The following RXRA variants were observed in gnomAD, a reference collection of about 807,000 sequenced individuals.
RXRA encodes retinoic acid receptor RXR-alpha.
Under a neutral mutation model 44.5 loss-of-function variants are expected in RXRA, and 5 were observed. The ratio of observed to expected loss-of-function variants is 0.11; its 90% CI spans 0.06 to 0.24. The LOEUF is 0.24. Ranked by LOEUF, RXRA falls within the 10% of genes least tolerant of loss-of-function variation. RXRA has a pLI of 1.00. For synonymous variants in RXRA, 291 were observed against 271.4 expected (o/e 1.07, Z -0.71); for missense variants, 412 against 646.5 (o/e 0.64, Z 3.93).
Position 134,417,381 on chromosome 9 carries a change from A to C in RXRA, c.780+54A>C. 1.3e-6 allele frequency: 2 copies of C among 1,576,816 alleles called. No individual in the cohort carries two copies. The highest frequency in any genetic ancestry group is 1.3e-5 in the African/African-American group (1 of 74,358). On this transcript the variant is annotated intron_variant, in intron 5 of 9. Transcript: ENST00000481739. This position sits in a 1 kb window ranked among gnomAD's most constrained non-coding sequence, Gnocchi z 6.1. ...AGCCTCACATGCCTCAGTTTCCCTCACTCACTCACCCTCCCACCTGAGCAG... is the reference window on the plus strand; with the variant it reads ...AGCCTCACATGCCTCAGTTTCCCTCCCTCACTCACCCTCCCACCTGAGCAG...
In RXRA at chr9:134,417,066, C is replaced by T; in HGVS notation, c.611-92C>T. 7.2e-7 allele frequency: 1 copy of T among 1,391,970 alleles called. No individual in the cohort carries two copies. The highest frequency in any genetic ancestry group is 9.7e-7 in the Non-Finnish European group (1 of 1,032,392). 86.2% of individuals were successfully genotyped at this position (1,391,970 alleles called of 1,614,324 possible). On this transcript the variant is annotated intron_variant, in intron 4 of 9. Transcript: ENST00000481739. This position sits in a 1 kb window ranked among gnomAD's most constrained non-coding sequence, Gnocchi z 6.1. The stretch of plus-strand genomic sequence containing the variant: ...GATGCTGGTGTTGTGGGTGAGTTGG[C>T]TGGGAGCTGGCACCACCCGGCCAGG...
rs1830409639 is a variant in RXRA at position 134,365,965 on chromosome 9, G to A, written c.29-35667G>A. 6.6e-6 allele frequency among the ~76,000 whole-genome samples: 1 copy of A among 152,222 alleles called. No homozygotes were observed. The highest frequency in any genetic ancestry group is 1.9e-4 in the East Asian group (1 of 5,156). On this transcript the variant is annotated intron_variant, in intron 1 of 9. Transcript: ENST00000481739. The surrounding 1 kb of genome is among the most constrained non-coding windows in gnomAD (Gnocchi z 4.0). Reference sequence around the variant, plus strand: ...GCCTCCAGTCAGGCGTCCGCTGAGCGACCCCTAGGAGCCGCCTGTCTTTGC... The same window carrying A: ...GCCTCCAGTCAGGCGTCCGCTGAGCAACCCCTAGGAGCCGCCTGTCTTTGC...
rs140362738 is a variant in RXRA at position 134,367,981 on chromosome 9, C to T, written c.29-33651C>T. On this transcript the variant is annotated intron_variant, in intron 1 of 9. Coordinates refer to ENST00000481739, the MANE Select transcript of RXRA (RefSeq NM_002957.6). ...TGCCGGAGATGCTCGGCCGATAAGC[C>T]GCTCCCTGCCTGCTCAGAGTAATTT... 3.8e-3 allele frequency among the ~76,000 whole-genome samples: 580 copies of T among 152,382 alleles called. 9 individuals carry two copies. Among genetic ancestry groups the T allele is most frequent in the African/African-American group, 0.013 (557 of 41,592 alleles).
At chr9:134,401,573 T>G in intron 1 of RXRA, 59 bp from the exon 2 acceptor site, 1 of 1,603,644 alleles carries the variant, frequency 6.2e-7, no homozygotes, top group African/African-American at 1.3e-5. Flanking sequence ...GGAGCAGGCA[T>G]TTGGTGGGGC....
At chr9:134,361,707 G>A (rs1830354529) in intron 1 of RXRA, among the ~76,000 whole-genome samples, 1 of 152,188 alleles carries the variant, frequency 6.6e-6, no homozygotes, top group African/African-American at 2.4e-5. Flanking sequence ...AACATCGGAG[G>A]GACTCTGAGC....
At chr9:134,429,978 C>T (rs574464500) in intron 7 of RXRA, among the ~76,000 whole-genome samples, 6 of 152,290 alleles carry the variant, frequency 3.9e-5, no homozygotes, top group South Asian at 2.1e-4. Context: ...CTCCGCCTCC[C>T]GGGTTCACAC....
intron 4 of RXRA, 142 bp downstream of exon 4, chr9:134,409,261 C>G (rs113643485): frequency 1.2e-6 from 1 of 819,964 alleles, no homozygotes; most frequent in Non-Finnish European, 1.8e-6. Context: ...GGAGTGGGGG[C>G]GGGGCCCAGC....
At chr9:134,338,114 C>T (rs782171295) in intron 1 of RXRA, among the ~76,000 whole-genome samples, 15 of 152,152 alleles carry the variant, frequency 9.9e-5, no homozygotes, top group East Asian at 3.9e-4. Flanking sequence ...TGGAGGGAAA[C>T]GCTGGGCAGT....
At chr9:134,421,908 C>T in intron 6 of RXRA, 103 bp downstream of exon 6, 1 of 1,538,096 alleles carries the variant, frequency 6.5e-7, no homozygotes, top group Non-Finnish European at 8.7e-7. Flanking sequence ...GGACACTCCC[C>T]TGTCCTGGGA....
At chr9:134,421,876 C>G in intron 6 of RXRA, 71 bp downstream of exon 6, 1 of 1,580,102 alleles carries the variant, frequency 6.3e-7, no homozygotes, top group Non-Finnish European at 8.6e-7. Context: ...ACTCCCCCCT[C>G]CCGGGATACT....
chr9:134,432,051 G>A, intron 8 of RXRA, 55 bp downstream of exon 8: 1 of 1,384,966 alleles, frequency 7.2e-7, no homozygotes, highest in East Asian at 2.3e-5. Context: ...GGGCAGAGGT[G>A]CCTGGGCCTC....
intron 4 of RXRA, among the ~76,000 whole-genome samples, chr9:134,412,663 C>T (rs1831168502): frequency 6.6e-6 from 1 of 152,164 alleles, no homozygotes; most frequent in Non-Finnish European, 1.5e-5. Flanking sequence ...TGGGTGTTGG[C>T]CCTCTGCCAA....
chr9:134,378,712 G>A (rs1025059036), intron 1 of RXRA, among the ~76,000 whole-genome samples: 1 of 152,174 alleles, frequency 6.6e-6, no homozygotes, highest in African/African-American at 2.4e-5. Flanking sequence ...TGGGCAGCGC[G>A]TGCCGTCCGG....
intron 1 of RXRA, among the ~76,000 whole-genome samples, chr9:134,384,423 G>A (rs975128150): frequency 6.6e-6 from 1 of 152,250 alleles, no homozygotes; most frequent in African/African-American, 2.4e-5. Context: ...TGAGGATGGA[G>A]TCAGGGGATA....
chr9:134,430,765 T>C (rs1363966356), intron 7 of RXRA, among the ~76,000 whole-genome samples: 2 of 152,202 alleles, frequency 1.3e-5, no homozygotes, highest in African/African-American at 4.8e-5. Flanking sequence ...GACAGATCCT[T>C]TGTCTGGCTG....
chr9:134,386,004 C>A (rs1220613601), intron 1 of RXRA, among the ~76,000 whole-genome samples: 3 of 152,262 alleles, frequency 2.0e-5, no homozygotes, highest in Non-Finnish European at 4.4e-5. Context: ...GGGTCCTTGT[C>A]CTCTTCCAAG....
At chr9:134,348,673 G>A (rs192569203) in intron 1 of RXRA, among the ~76,000 whole-genome samples, 48 of 152,354 alleles carry the variant, frequency 3.2e-4, no homozygotes, top group African/African-American at 1.2e-3. Context: ...CCCGGCCTAC[G>A]TACGCCCTGT....
chr9:134,329,122 G>A (rs369959068), intron 1 of RXRA, among the ~76,000 whole-genome samples: 4 of 152,236 alleles, frequency 2.6e-5, no homozygotes, highest in African/African-American at 4.8e-5. Context: ...GACCCCATGC[G>A]CCTGTGGAGA....
chr9:134,392,656 G>A (rs368883076), intron 1 of RXRA, among the ~76,000 whole-genome samples: 2 of 152,134 alleles, frequency 1.3e-5, no homozygotes, highest in South Asian at 2.1e-4. Context: ...CTGAATTCTC[G>A]CTTACCCTAG....
Sources: allele counts gnomAD v4.1 joint callset (sites outside exome capture counted in the v4.1 genomes callset), GRCh38; gene constraint gnomAD v4.1.1; non-coding constraint Gnocchi (gnomAD v3.1); transcripts MANE v1.5; gene names NCBI Gene and HGNC (gene_info 2026-07-23, HGNC 2026-07-21).